IFT122: variants seen among roughly 807,000 people sequenced by gnomAD.
IFT122 encodes the protein intraflagellar transport 122.
A neutral mutation model predicts 161.6 loss-of-function variants in IFT122; 118 were observed. The observed-to-expected ratio is 0.73, with a 90% CI of 0.63 to 0.85. The LOEUF (loss-of-function observed/expected upper bound fraction) is 0.85. IFT122 is among the 40% of genes least tolerant of loss of function. IFT122 has a pLI of 0.00. For missense variants in IFT122, 1,381 were observed against 1,579.6 expected, an observed-to-expected ratio of 0.87 and a Z score of 2.13; for synonymous variants, 550 against 602.4, an observed-to-expected ratio of 0.91 and a Z score of 1.27.
At chr3:129,441,341 G>A (rs935055112) in intron 1 of IFT122, among the ~76,000 whole-genome samples, 11 of 152,126 alleles carry the variant, frequency 7.2e-5, no homozygotes, top group Non-Finnish European at 1.5e-4. Context: ...CAAGGCTCAC[G>A]TTGGAGACGG....
intron 4 of IFT122, among the ~76,000 whole-genome samples, chr3:129,459,968 G>A (rs868244140): frequency 2.6e-5 from 4 of 151,134 alleles, no homozygotes; most frequent in Non-Finnish European, 1.5e-5. Context: ...TCACTTTGTT[G>A]CCTGTACTGG....
chr3:129,458,689 A>T lies in IFT122; in HGVS notation c.272+12A>T. On this transcript the variant is annotated intron_variant, in intron 4 of 29. Coordinates refer to ENST00000348417, the MANE Select transcript of IFT122 (RefSeq NM_052989.3). ...ATTCTGAAGTACACGTAAGTAACTT[A>T]GGTGTACAGTATTATGAGTTTGATG... 3 of 1,578,114 alleles carry T rather than the reference A, an allele frequency of 1.9e-6. No individual in the cohort carries two copies. Among genetic ancestry groups the T allele is most frequent in the Non-Finnish European group, 2.6e-6 (3 of 1,147,250 alleles).
At chr3:129,499,213 T>G (rs71333617) in intron 18 of IFT122, among the ~76,000 whole-genome samples, 1 of 152,132 alleles carries the variant, frequency 6.6e-6, no homozygotes, top group Non-Finnish European at 1.5e-5. Context: ...ACCATTCAGC[T>G]GAGAAGCAAC....
intron 8 of IFT122, 134 bp from the exon 9 acceptor site, chr3:129,469,208 T>G (rs1346115050): frequency 4.0e-6 from 3 of 751,002 alleles, no homozygotes. Flanking sequence ...TTATAACTTT[T>G]GGCTTCAGTA....
intron 16 of IFT122, among the ~76,000 whole-genome samples, chr3:129,489,743 G>A (rs1225518070): frequency 6.6e-6 from 1 of 151,906 alleles, no homozygotes. Context: ...GGAGGCTGAG[G>A]CAGGAGAATG....
At chr3:129,511,268 T>C (rs1280972630) in intron 23 of IFT122, among the ~76,000 whole-genome samples, 1 of 152,242 alleles carries the variant, frequency 6.6e-6, no homozygotes, top group Non-Finnish European at 1.5e-5. Flanking sequence ...ATCTTGTTCT[T>C]ACCCTGGAAA....
rs3774764 is a variant in IFT122, at chr3:129,449,806, C to T, written c.42-65C>T. On this transcript the variant is annotated intron_variant, in intron 1 of 29. Transcript: ENST00000348417. ...TCTTAATGGCAATAAAGTTTACTTT[C>T]CTGGCCATTAGCAGACTTCATCATT... The T allele has an allele frequency of 8.4e-4, 896 of 1,071,420 alleles. 12 individuals are homozygous for T. The East Asian group carries it at 0.02, about 23-fold the overall frequency. The allele number at this position is 1,071,420 out of a possible 1,614,324, so 66.4% of individuals were successfully genotyped here.
At position 129,507,651 on chromosome 3, in the gene IFT122, C is replaced by T. The variant is rs1168302102; in HGVS notation, c.2792-17C>T. 5.0e-6 allele frequency: 8 copies of T among 1,608,784 alleles called. No homozygotes were observed. The highest frequency in any genetic ancestry group is 6.0e-6 in the Non-Finnish European group (7 of 1,175,146). On this transcript the variant is annotated splice_polypyrimidine_tract_variant and intron_variant, in intron 22 of 29. Coordinates refer to ENST00000348417, the MANE Select transcript of IFT122 (RefSeq NM_052989.3). Reference sequence around the variant, plus strand: ...ACTGTTTGACACGTTTCCCCTCCCACCCGCTGCACACAGCAGATCCTGCCC... The same window carrying T: ...ACTGTTTGACACGTTTCCCCTCCCATCCGCTGCACACAGCAGATCCTGCCC...
At chr3:129,492,000 A>G in intron 16 of IFT122, 141 bp from the exon 17 acceptor site, 1 of 764,542 alleles carries the variant, frequency 1.3e-6, no homozygotes, top group Middle Eastern at 2.3e-4. Flanking sequence ...TCCTGCACGC[A>G]CGATGATTAA....
intron 15 of IFT122, among the ~76,000 whole-genome samples, chr3:129,485,924 G>A (rs1225414628): frequency 6.6e-6 from 1 of 152,264 alleles, no homozygotes; most frequent in Non-Finnish European, 1.5e-5. Flanking sequence ...AGAGAGGAGG[G>A]AGAAAGCATC....
chr3:129,444,847 A>G (rs927481668), intron 1 of IFT122, among the ~76,000 whole-genome samples: 4 of 152,254 alleles, frequency 2.6e-5, no homozygotes, highest in African/African-American at 7.2e-5. Flanking sequence ...CAATTCTTAA[A>G]TATTGAATAA....
In IFT122 at chr3:129,506,540, A is replaced by G. The variant is rs748954774; in HGVS notation, c.2782A>G (p.Ile928Val). The change falls in exon 22 of 30, where the codon ATA (isoleucine) becomes GTA (valine). Residue 928 changes from isoleucine (I) to valine (V), a missense_variant. Physicochemically the swap from Ile to Val is conservative, Grantham distance 29. This residue lies in a region of IFT122 where 496 missense variants were observed against 502.5 expected (regional missense o/e 0.99). Coordinates refer to ENST00000348417, the MANE Select transcript of IFT122 (RefSeq NM_052989.3). ...GATGCTGTCCATGCAGTGCCTCGAT[A>G]TAGCTCAAGGTGTGTAAACATCAGC... ...YWMLSMQCLD[I>V]AQDPAQKDTM... 1.2e-6 allele frequency: 2 copies of G among 1,614,238 alleles called. No homozygotes were observed. The highest frequency in any genetic ancestry group is 2.2e-5 in the South Asian group (2 of 91,088).
intron 2 of IFT122, among the ~76,000 whole-genome samples, chr3:129,450,896 AT>A (rs1187186312): frequency 6.6e-6 from 1 of 151,066 alleles, no homozygotes; most frequent in Non-Finnish European, 1.5e-5. Context: ...AATTTTTTGT[AT>A]TTTTAGTAGA....
At chr3:129,497,363 G>C (rs947313084) in intron 18 of IFT122, among the ~76,000 whole-genome samples, 1 of 152,216 alleles carries the variant, frequency 6.6e-6, no homozygotes, top group Non-Finnish European at 1.5e-5. Flanking sequence ...TCTTCGGTTT[G>C]CCAAACCTCC....
At chr3:129,517,039 G>GCACA (rs747461940) in intron 26 of IFT122, among the ~76,000 whole-genome samples, 4 of 76,298 alleles carry the variant, frequency 5.2e-5, no homozygotes, top group East Asian at 4.1e-4. Context: ...GATTGCTCCT[G>GCACA]CACACACACA....
At chr3:129,464,583 T>G (rs1272078416) in intron 6 of IFT122, 52 bp from the exon 7 acceptor site, 3 of 1,612,518 alleles carry the variant, frequency 1.9e-6, no homozygotes, top group Non-Finnish European at 2.5e-6. Flanking sequence ...TAGTTTTACC[T>G]TCTGTGGGGT....
intron 19 of IFT122, 58 bp downstream of exon 19, chr3:129,500,126 C>G: frequency 6.3e-7 from 1 of 1,580,264 alleles, no homozygotes; most frequent in Non-Finnish European, 8.7e-7. Flanking sequence ...CATGTCACCT[C>G]TTGACTGACA....
At chr3:129,494,952 G>C (rs2080664450) in intron 17 of IFT122, among the ~76,000 whole-genome samples, 1 of 152,104 alleles carries the variant, frequency 6.6e-6, no homozygotes, top group African/African-American at 2.4e-5. Flanking sequence ...TCAGCATGCG[G>C]GATTTCTTAC....
rs902574740 is a variant in IFT122, at chr3:129,495,961, C to G, written c.2208+354C>G. On this transcript the variant is annotated intron_variant, in intron 18 of 29. Transcript: ENST00000348417. ...CCTCTCAATCCTTGTCAGGAGCCGC[C>G]AAGAATCGGTGTCTTCAGGCAGGAG... Among the ~76,000 whole-genome samples the G allele has an allele frequency of 7.2e-5, 11 of 152,218 alleles. 1 individual carries two copies.
Sources: allele counts gnomAD v4.1 joint callset (sites outside exome capture counted in the v4.1 genomes callset), GRCh38; gene constraint gnomAD v4.1.1; regional missense constraint gnomAD v4.1.1; transcripts MANE v1.5; gene names NCBI Gene and HGNC (gene_info 2026-07-23, HGNC 2026-07-21).